The following FAM3C variants were observed in gnomAD, a reference collection of about 807,000 sequenced individuals.
FAM3C encodes the protein FAM3 metabolism regulating signaling molecule C, also known as protein FAM3C.
Under a neutral mutation model 32.5 loss-of-function variants are expected in FAM3C, and 15 were observed. That is an observed-to-expected ratio of 0.46 (90% CI 0.31 to 0.71). The LOEUF is 0.71. Ranked by LOEUF, FAM3C falls within the 30% of genes least tolerant of loss-of-function variation. FAM3C has a pLI of 0.05. For synonymous variants in FAM3C, 75 were observed against 86.1 expected, an observed-to-expected ratio of 0.87 and a Z score of 0.72; for missense variants, 175 against 274.4, an observed-to-expected ratio of 0.64 and a Z score of 2.56.
chr7:121,370,073 C>T (rs1794114885), intron 5 of FAM3C, among the ~76,000 whole-genome samples: 1 of 151,826 alleles, frequency 6.6e-6, no homozygotes, highest in African/African-American at 2.4e-5. Flanking sequence ...AATTTGGGGT[C>T]TATTTAACCA....
At chr7:121,390,263 C>T (rs985550501) in intron 1 of FAM3C, among the ~76,000 whole-genome samples, 5 of 152,162 alleles carry the variant, frequency 3.3e-5, no homozygotes, top group African/African-American at 1.2e-4. Flanking sequence ...AGGCTTACAA[C>T]CACATTTTTA....
chr7:121,358,267 T>C (rs918378639), intron 8 of FAM3C, among the ~76,000 whole-genome samples: 2 of 152,082 alleles, frequency 1.3e-5, no homozygotes, highest in Non-Finnish European at 2.9e-5. Context: ...AAATAATACA[T>C]TTATAAAAAT....
intron 8 of FAM3C, among the ~76,000 whole-genome samples, chr7:121,354,695 GGCGTTGAAGA>G (rs1477661376): frequency 1.3e-5 from 2 of 152,110 alleles, no homozygotes; most frequent in African/African-American, 4.8e-5. Context: ...ATTACCTCAG[GGCGTTGAAGA>G]GTAAGAAATG....
At chr7:121,360,272 TAA>T in intron 7 of FAM3C, 145 bp from the exon 8 acceptor site, 2 of 566,682 alleles carry the variant, frequency 3.5e-6, no homozygotes, top group South Asian at 4.9e-5. Flanking sequence ...ACAAATCTCA[TAA>T]AGAGTTTAAA....
intron 1 of FAM3C, among the ~76,000 whole-genome samples, chr7:121,391,838 C>A (rs1253920640): frequency 6.6e-6 from 1 of 152,314 alleles, no homozygotes; most frequent in Non-Finnish European, 1.5e-5. Context: ...GCAGACAAAA[C>A]CAATTAGGCC....
chr7:121,373,416 C>T (rs1284008608), intron 3 of FAM3C, among the ~76,000 whole-genome samples: 1 of 152,196 alleles, frequency 6.6e-6, no homozygotes, highest in Non-Finnish European at 1.5e-5. Flanking sequence ...TTTTCATAAA[C>T]AGCTGTCCAA....
chr7:121,395,870 G>GA (rs1554377937), intron 1 of FAM3C, among the ~76,000 whole-genome samples: 1 of 151,032 alleles, frequency 6.6e-6, no homozygotes, highest in Non-Finnish European at 1.5e-5. Context: ...CCGGGGCGCC[G>GA]AGTGCCAGCG....
intron 3 of FAM3C, among the ~76,000 whole-genome samples, chr7:121,377,539 C>A (rs760551980): frequency 6.6e-5 from 10 of 152,084 alleles, no homozygotes; most frequent in Middle Eastern, 3.2e-3. Context: ...ATAGTTTACT[C>A]GATGTAAGTA....
At chr7:121,382,928 A>C (rs200919943) in intron 2 of FAM3C, 29 bp downstream of exon 2, 1,922 of 1,559,060 alleles carry the variant, frequency 1.2e-3, no homozygotes, top group Non-Finnish European at 1.5e-3. Context: ...CAAAAAGTAC[A>C]ATTACTTCTA....
intron 8 of FAM3C, among the ~76,000 whole-genome samples, chr7:121,356,973 C>T (rs946233695): frequency 1.3e-5 from 2 of 152,076 alleles, no homozygotes; most frequent in African/African-American, 4.8e-5. Flanking sequence ...CCATGATTAA[C>T]AAAGGAAAAG....
chr7:121,353,225 T>G (rs1171490545), intron 8 of FAM3C, among the ~76,000 whole-genome samples: 2 of 152,204 alleles, frequency 1.3e-5, no homozygotes, highest in Non-Finnish European at 2.9e-5. Flanking sequence ...TAAAATCTTA[T>G]CCAAGAATTT....
chr7:121,354,288 C>T (rs1047438376), intron 8 of FAM3C, among the ~76,000 whole-genome samples: 1 of 152,052 alleles, frequency 6.6e-6, no homozygotes, highest in Non-Finnish European at 1.5e-5. Flanking sequence ...TATTTTAATC[C>T]TTACTAATGG....
At chr7:121,351,479 A>T (rs1401414567) in intron 8 of FAM3C, 1 of 480,942 alleles carries the variant, frequency 2.1e-6, no homozygotes, top group Non-Finnish European at 3.6e-6. Flanking sequence ...TTTTAAGTTT[A>T]TTCTATTAAA....
intron 2 of FAM3C, chr7:121,380,154 T>C (rs2116940696): frequency 6.6e-6 from 1 of 152,316 alleles, no homozygotes; most frequent in South Asian, 2.1e-4. Flanking sequence ...TCCTTCTTGA[T>C]CATTTAAGAC....
At chr7:121,379,960 C>T (rs1220791758) in intron 2 of FAM3C, among the ~76,000 whole-genome samples, 1 of 152,132 alleles carries the variant, frequency 6.6e-6, no homozygotes, top group Non-Finnish European at 1.5e-5. Flanking sequence ...CTACCTTGTC[C>T]CCTCCAAAAT....
chr7:121,350,210 A>T lies in FAM3C; in HGVS notation c.*251T>A, dbSNP rs574004929. On this transcript the variant is annotated 3_prime_UTR_variant, in exon 10 of 10. Coordinates refer to ENST00000359943, the MANE Select transcript of FAM3C (RefSeq NM_014888.3). The stretch of plus-strand genomic sequence containing the variant: ...TTTAGAATTTAAAATATGTATTACC[A>T]TAGCAGTCTAAACATTGTACTTTTA... The T allele has an allele frequency of 2.5e-5, 11 of 448,650 alleles. No homozygotes were observed. The East Asian group carries it at 4.2e-4, about 17-fold the overall frequency. The allele number at this position is 448,650 out of a possible 1,614,324, so 27.8% of individuals were successfully genotyped here.
intron 1 of FAM3C, among the ~76,000 whole-genome samples, chr7:121,392,938 G>A (rs1028490202): frequency 1.3e-5 from 2 of 152,170 alleles, no homozygotes; most frequent in African/African-American, 4.8e-5. Flanking sequence ...CTAAGTGAAA[G>A]AAGCCAGACA....
intron 3 of FAM3C, 94 bp downstream of exon 3, chr7:121,378,816 G>A (rs543740456): frequency 4.8e-5 from 26 of 541,430 alleles, no homozygotes; most frequent in African/African-American, 3.2e-4. Flanking sequence ...ATCACATTTC[G>A]TTTTCTAGCA....
chr7:121,379,742 C>T (rs1037709867), intron 2 of FAM3C, among the ~76,000 whole-genome samples: 5 of 152,294 alleles, frequency 3.3e-5, no homozygotes, highest in Admixed American at 6.5e-5. Context: ...TGTATAGAAA[C>T]ACTCTACTGA....
Sources: allele counts gnomAD v4.1 joint callset (sites outside exome capture counted in the v4.1 genomes callset), GRCh38; gene constraint gnomAD v4.1.1; transcripts MANE v1.5; gene names NCBI Gene and HGNC (gene_info 2026-07-23, HGNC 2026-07-21).